ATP2A1: variants seen among roughly 807,000 people sequenced by gnomAD.
ATP2A1 encodes sarcoplasmic/endoplasmic reticulum calcium ATPase 1.
A neutral mutation model predicts 109.5 loss-of-function variants in ATP2A1; 83 were observed. That is an observed-to-expected ratio of 0.76 (90% CI 0.63 to 0.91). The LOEUF (loss-of-function observed/expected upper bound fraction) is 0.91, where lower values mean the gene tolerates loss of function less well. Ranked by LOEUF, ATP2A1 falls within the 40% of genes least tolerant of loss-of-function variation. ATP2A1 has a pLI of 0.00. For missense variants in ATP2A1, 1,101 were observed against 1,341.0 expected (o/e 0.82, Z 2.80); for synonymous variants, 505 against 537.6 (o/e 0.94, Z 0.84).
In ATP2A1 at chr16:28,904,174, T is replaced by C; in HGVS notation, c.*38-6T>C. On this transcript the variant is annotated splice_polypyrimidine_tract_variant and splice_region_variant and intron_variant, in intron 22 of 22. Transcript: ENST00000395503. The stretch of plus-strand genomic sequence containing the variant: ...CCTGCCTCATCCCTTCTCTTTCCCC[T>C]TCCAGATCCAGAAGATGAAAGAAGG... The C allele has an allele frequency of 6.2e-7, 1 of 1,610,762 alleles. No individual in the cohort carries two copies. The highest frequency in any genetic ancestry group is 8.5e-7 in the Non-Finnish European group (1 of 1,177,180).
chr16:28,903,640 A>C lies in ATP2A1; in HGVS notation c.2981-60A>C. The C allele has an allele frequency of 2.9e-6, 4 of 1,375,586 alleles. No individual in the cohort carries two copies. The highest frequency in any genetic ancestry group is 4.1e-6 in the Non-Finnish European group (4 of 964,778). 85.2% of individuals were successfully genotyped at this position (1,375,586 alleles called of 1,614,324 possible). A position where few individuals can be genotyped will look rare whatever the true frequency, so the allele number is the denominator to read the frequency against. ...TGCCTCCTCAGCCCCCACAGCCCCTATAGCCCCCATGCCACCTCCCTGCCT... is the reference window on the plus strand; with the variant it reads ...TGCCTCCTCAGCCCCCACAGCCCCTCTAGCCCCCATGCCACCTCCCTGCCT... On this transcript the variant is annotated intron_variant, in intron 21 of 22. Transcript: ENST00000395503. The surrounding 1 kb of genome is among the most constrained non-coding windows in gnomAD (Gnocchi z 5.6).
At position 28,903,629 on chromosome 16, in the gene ATP2A1, C is replaced by T. The variant is rs1366884755; in HGVS notation, c.2981-71C>T. On this transcript the variant is annotated intron_variant, in intron 21 of 22. Coordinates refer to ENST00000395503, the MANE Select transcript of ATP2A1 (RefSeq NM_004320.6). The surrounding 1 kb of genome is among the most constrained non-coding windows in gnomAD (Gnocchi z 5.6). Reference sequence around the variant, plus strand: ...GGCAGCCCCACTGCCTCCTCAGCCCCCACAGCCCCTATAGCCCCCATGCCA... The same window carrying T: ...GGCAGCCCCACTGCCTCCTCAGCCCTCACAGCCCCTATAGCCCCCATGCCA... The T allele has an allele frequency of 4.6e-6, 6 of 1,309,704 alleles. No homozygotes were observed. Among genetic ancestry groups the T allele is most frequent in the East Asian group, 4.6e-5 (2 of 43,534 alleles). The allele number at this position is 1,309,704 out of a possible 1,614,324, so 81.1% of individuals were successfully genotyped here.
At position 28,898,239 on chromosome 16, in the gene ATP2A1, CCT is replaced by C. The variant is rs746219956; in HGVS notation, c.1553_1554del (p.Pro518ArgfsTer8). The part of the protein sequence containing the change: ...VGNKMFVKGA[P>X]EGVIDRCNYV... ...TGCTGTTCTGGTCTCCTAGGGTGCCCCTGAGGGCGTCATCGACCGCTGTAACT... is the reference window on the plus strand; with the variant it reads ...TGCTGTTCTGGTCTCCTAGGGTGCCCGAGGGCGTCATCGACCGCTGTAACT... On this transcript the variant is annotated frameshift_variant, in exon 14 of 23. Coordinates refer to ENST00000395503, the MANE Select transcript of ATP2A1 (RefSeq NM_004320.6). LOFTEE classifies it high-confidence loss of function. This position sits in a 1 kb window ranked among gnomAD's most constrained non-coding sequence, Gnocchi z 4.0. 5.6e-6 allele frequency: 9 copies of C among 1,614,066 alleles called. No individual in the cohort carries two copies. The African/African-American group carries it at 9.3e-5, about 17-fold the overall frequency.
At position 28,900,925 on chromosome 16, in the gene ATP2A1, G is replaced by A. The variant is rs766087877; in HGVS notation, c.2100+9G>A. The A allele has an allele frequency of 6.2e-7, 1 of 1,614,020 alleles. No individual in the cohort carries two copies. The highest frequency in any genetic ancestry group is 8.5e-7 in the Non-Finnish European group (1 of 1,179,954). Reference sequence around the variant, plus strand: ...ATGAGATCACAGCCATGGTGAGAGGGCCCAGGCAGCTGCAGCCTTAGTGTC... The same window carrying A: ...ATGAGATCACAGCCATGGTGAGAGGACCCAGGCAGCTGCAGCCTTAGTGTC... On this transcript the variant is annotated intron_variant, in intron 15 of 22. Coordinates refer to ENST00000395503, the MANE Select transcript of ATP2A1 (RefSeq NM_004320.6).
chr16:28,887,582 T>C lies in ATP2A1; in HGVS notation c.788T>C (p.Val263Ala). The C allele has an allele frequency of 1.2e-6, 2 of 1,614,012 alleles. No individual in the cohort carries two copies. Among genetic ancestry groups the C allele is most frequent in the Non-Finnish European group, 1.7e-6 (2 of 1,180,008 alleles). ...LDEFGEQLSK[V>A]ISLICVAVWL... Reference sequence around the variant, plus strand: ...GAGTTTGGGGAGCAGCTCTCCAAGGTCATCTCCCTCATCTGTGTGGCTGTC... The same window carrying C: ...GAGTTTGGGGAGCAGCTCTCCAAGGCCATCTCCCTCATCTGTGTGGCTGTC... Residue 263 changes from valine (V) to alanine (A), a missense_variant, in exon 8 of 23, where the codon GTC becomes GCC. Val to Ala is a moderately conservative substitution (Grantham distance 64, BLOSUM62 0). Coordinates refer to ENST00000395503, the MANE Select transcript of ATP2A1 (RefSeq NM_004320.6).
intron 4 of ATP2A1, chr16:28,881,516 G>T (rs1963479145): frequency 4.1e-6 from 1 of 245,212 alleles, no homozygotes; most frequent in African/African-American, 2.2e-5. Context: ...GGTGCTCACT[G>T]GTTTCTGAAC....
intron 6 of ATP2A1, among the ~76,000 whole-genome samples, chr16:28,886,690 T>G (rs1963619923): frequency 6.6e-6 from 1 of 151,702 alleles, no homozygotes; most frequent in South Asian, 2.1e-4. Flanking sequence ...GTCGAGGTCT[T>G]TTTAAGAGCC....
At chr16:28,885,994 C>A (rs1315307291) in intron 6 of ATP2A1, among the ~76,000 whole-genome samples, 1 of 151,780 alleles carries the variant, frequency 6.6e-6, no homozygotes, top group Non-Finnish European at 1.5e-5. Flanking sequence ...AGCGAGACCC[C>A]ATCTCTATAA....
Position 28,878,543 on chromosome 16 carries a change from G to C in ATP2A1, c.-129G>C, listed in dbSNP as rs1451722682. On this transcript the variant is annotated 5_prime_UTR_variant, in exon 1 of 23. Transcript: ENST00000395503. ...AGCTTTGTGGAGGGAAGAAAAACCT[G>C]GAGGGGGCAGGAGAGTAAAAAGAAG... 1.2e-6 allele frequency: 1 copy of C among 835,544 alleles called. No individual in the cohort carries two copies. Among genetic ancestry groups the C allele is most frequent in the Admixed American group, 2.0e-5 (1 of 49,202 alleles). 51.8% of individuals were successfully genotyped at this position (835,544 alleles called of 1,614,324 possible).
rs559496019 is a variant in ATP2A1 at position 28,886,992 on chromosome 16, C to CA, written c.545-178dup. Among the ~76,000 whole-genome samples the CA allele has an allele frequency of 0.13, 9,783 of 74,162 alleles. 468 individuals are homozygous for CA. The highest frequency in any genetic ancestry group is 0.23 in the Middle Eastern group (28 of 124). 48.7% of individuals were successfully genotyped at this position (74,162 alleles called of 152,430 possible). On this transcript the variant is annotated intron_variant, in intron 6 of 22. Transcript: ENST00000395503. ...GGGTGACAAGACTGCAACTCTGTCT[C>CA]AAAAAAAAAAAAAAAAAAAGGAGCA...
In ATP2A1 at chr16:28,903,418, C is replaced by G. The variant is rs374856682; in HGVS notation, c.2958C>G (p.Phe986Leu). 1.9e-6 allele frequency: 3 copies of G among 1,613,900 alleles called. No homozygotes were observed. Among genetic ancestry groups the G allele is most frequent in the Admixed American group, 3.3e-5 (2 of 60,010 alleles). ...TTGGGCTCGACGAAATCCTCAAGTT[C>G]GTTGCTCGGAACTACCTAGAGGGTA... ...PVIGLDEILK[F>L]VARNYLEG Residue 986 changes from phenylalanine to leucine, a missense_variant, in exon 21 of 23, where the codon TTC becomes TTG. Coordinates refer to ENST00000395503, the MANE Select transcript of ATP2A1 (RefSeq NM_004320.6). This position sits in a 1 kb window ranked among gnomAD's most constrained non-coding sequence, Gnocchi z 5.6.
intron 9 of ATP2A1, among the ~76,000 whole-genome samples, chr16:28,891,794 G>A (rs890139132): frequency 5.3e-5 from 8 of 149,862 alleles, no homozygotes; most frequent in Non-Finnish European, 8.9e-5. Flanking sequence ...CAGGAGAATC[G>A]CTTGAACCCA....
chr16:28,900,986 G>C, intron 15 of ATP2A1, 70 bp downstream of exon 15: 1 of 1,586,306 alleles, frequency 6.3e-7, no homozygotes, highest in Non-Finnish European at 8.6e-7. Flanking sequence ...TGGGGAGAGT[G>C]GGGCCCAGGG....
chr16:28,879,207 G>C, intron 2 of ATP2A1, 91 bp downstream of exon 2: 2 of 1,393,182 alleles, frequency 1.4e-6, no homozygotes, highest in Non-Finnish European at 2.0e-6. Flanking sequence ...TAGATTCTTT[G>C]AGCAAATATC....
chr16:28,883,153 G>T lies in ATP2A1; in HGVS notation c.463+564G>T, dbSNP rs1463107349. On this transcript the variant is annotated intron_variant, in intron 5 of 22. Coordinates refer to ENST00000395503, the MANE Select transcript of ATP2A1 (RefSeq NM_004320.6). The surrounding 1 kb of genome is among the most constrained non-coding windows in gnomAD (Gnocchi z 5.2). ...GGACACTTAATGCCTGGCCAGGGAG[G>T]GGTGGGGGCCGGGTGGCTAAGATTA... Among the ~76,000 whole-genome samples, 1 of 152,218 alleles carries T rather than the reference G, an allele frequency of 6.6e-6. No homozygotes were observed. Among genetic ancestry groups the T allele is most frequent in the East Asian group, 1.9e-4 (1 of 5,190 alleles).
chr16:28,878,722 GGTGA>G lies in ATP2A1; in HGVS notation c.57_60del (p.Ser19ArgfsTer34), dbSNP rs770239154. On this transcript the variant is annotated frameshift_variant, in exon 1 of 23. Coordinates refer to ENST00000395503, the MANE Select transcript of ATP2A1 (RefSeq NM_004320.6). LOFTEE classifies it high-confidence loss of function. The stretch of plus-strand genomic sequence containing the variant: ...CGGAGGAATGTTTGGCCTATTTTGG[GGTGA>G]GTGAGACCACGGGCCTCACCCCGGA... 2.0e-5 allele frequency: 32 copies of G among 1,612,546 alleles called. No individual in the cohort carries two copies. The highest frequency in any genetic ancestry group is 2.5e-5 in the Non-Finnish European group (29 of 1,179,404).
At position 28,897,945 on chromosome 16, in the gene ATP2A1, G is replaced by A. The variant is rs1596681461; in HGVS notation, c.1420-55G>A. 32 of 1,609,186 alleles carry A rather than the reference G, an allele frequency of 2.0e-5. 1 individual carries two copies. The South Asian group carries it at 3.4e-4, about 17-fold the overall frequency. On this transcript the variant is annotated intron_variant, in intron 12 of 22. Coordinates refer to ENST00000395503, the MANE Select transcript of ATP2A1 (RefSeq NM_004320.6). ...AGCTTGGGGTCTGCTCTGACCTCCAGATTCTTTTTGACCATTTTAAGAGGA... is the reference window on the plus strand; with the variant it reads ...AGCTTGGGGTCTGCTCTGACCTCCAAATTCTTTTTGACCATTTTAAGAGGA...
chr16:28,894,292 A>G, intron 10 of ATP2A1, 49 bp downstream of exon 10: 7 of 1,555,942 alleles, frequency 4.5e-6, no homozygotes, highest in Non-Finnish European at 6.2e-6. Context: ...CCCTTCCCAC[A>G]CCCCCTTTCT....
intron 8 of ATP2A1, 81 bp downstream of exon 8, chr16:28,887,803 T>G: frequency 6.4e-7 from 1 of 1,551,736 alleles, no homozygotes; most frequent in South Asian, 1.1e-5. Context: ...TTTTCTTTTT[T>G]TCTTTTTTGT....
Sources: gnomAD v4.1 joint callset for allele counts (sites outside exome capture counted in the v4.1 genomes callset) on GRCh38, gnomAD v4.1.1 for gene constraint, Gnocchi (gnomAD v3.1) non-coding constraint, MANE v1.5 for transcripts, NCBI Gene and HGNC (gene_info 2026-07-23, HGNC 2026-07-21) for gene names.